Variants in C6orf163 observed in about 807,000 individuals in gnomAD.
C6orf163 encodes chromosome 6 open reading frame 163.
C6orf163 carries 22 observed loss-of-function variants against 28.4 expected under a neutral mutation model. The observed-to-expected ratio is 0.78, with a 90% CI of 0.55 to 1.11. The LOEUF is 1.11. C6orf163 is among the 50% of genes least tolerant of loss of function. The pLI is 0.00. For missense variants in C6orf163, 342 were observed against 389.1 expected (o/e 0.88, Z 1.02); for synonymous variants, 110 against 123.6 (o/e 0.89, Z 0.73).
Position 87,365,463 on chromosome 6 carries a change from A to C in C6orf163, c.*67A>C. On this transcript the variant is annotated 3_prime_UTR_variant, in exon 5 of 5. Coordinates refer to ENST00000388923, the MANE Select transcript of C6orf163 (RefSeq NM_001010868.3). Reference sequence around the variant, plus strand: ...GACTAAATAAATTTACTCAAAAACCATGTATTGATTCCCCAGCCTTGTGCA... The same window carrying C: ...GACTAAATAAATTTACTCAAAAACCCTGTATTGATTCCCCAGCCTTGTGCA... The C allele has an allele frequency of 3.7e-6, 4 of 1,087,582 alleles. No homozygotes were observed. The highest frequency in any genetic ancestry group is 5.2e-6 in the Non-Finnish European group (4 of 768,190). The allele number at this position is 1,087,582 out of a possible 1,614,324, so 67.4% of individuals were successfully genotyped here.
At chr6:87,359,397 G>T (rs962933034) in intron 4 of C6orf163, among the ~76,000 whole-genome samples, 1 of 152,192 alleles carries the variant, frequency 6.6e-6, no homozygotes, top group African/African-American at 2.4e-5. Context: ...ACTGCTGAAT[G>T]CTGGCATCTG....
chr6:87,351,013 G>C (rs564126372), intron 3 of C6orf163, among the ~76,000 whole-genome samples: 1 of 152,108 alleles, frequency 6.6e-6, no homozygotes, highest in Admixed American at 6.5e-5. Flanking sequence ...TGCATTTACT[G>C]TACTGCTAAG....
intron 3 of C6orf163, among the ~76,000 whole-genome samples, chr6:87,353,436 T>G (rs1777449837): frequency 6.6e-6 from 1 of 151,130 alleles, no homozygotes; most frequent in Non-Finnish European, 1.5e-5. Flanking sequence ...CCACAAAAAT[T>G]GAAAATTAAA....
At chr6:87,350,667 G>A (rs2127931069) in intron 3 of C6orf163, among the ~76,000 whole-genome samples, 166 bp downstream of exon 3, 1 of 152,332 alleles carries the variant, frequency 6.6e-6, no homozygotes, top group Non-Finnish European at 1.5e-5. Flanking sequence ...GAGCTCTCTA[G>A]AGCAGTGATG....
intron 3 of C6orf163, among the ~76,000 whole-genome samples, chr6:87,352,077 G>A (rs1777421388): frequency 6.8e-6 from 1 of 147,120 alleles, no homozygotes; most frequent in Non-Finnish European, 1.5e-5. Flanking sequence ...CTATTTAAAG[G>A]TAAATAGTTA....
chr6:87,363,432 G>T (rs1049020415), intron 4 of C6orf163, among the ~76,000 whole-genome samples: 2 of 151,466 alleles, frequency 1.3e-5, no homozygotes, highest in Admixed American at 1.3e-4. Flanking sequence ...TGCCATGCTG[G>T]TGTGCTGCAC....
intron 1 of C6orf163, among the ~76,000 whole-genome samples, chr6:87,346,552 G>C (rs1777326747): frequency 6.6e-6 from 1 of 152,144 alleles, no homozygotes; most frequent in Non-Finnish European, 1.5e-5. Flanking sequence ...CTTTGTCATT[G>C]AACTGTTTTA....
intron 3 of C6orf163, 198 bp from the exon 4 acceptor site, chr6:87,356,101 CAT>C: frequency 1.8e-6 from 1 of 561,220 alleles, no homozygotes; most frequent in Non-Finnish European, 3.2e-6. Flanking sequence ...ATTTATGCTA[CAT>C]AGTTTGTACA....
chr6:87,359,451 C>G (rs113391754), intron 4 of C6orf163, among the ~76,000 whole-genome samples: 1 of 152,194 alleles, frequency 6.6e-6, no homozygotes, highest in Non-Finnish European at 1.5e-5. Context: ...CCTGCAGTCT[C>G]CTGCCAGACC....
At position 87,345,132 on chromosome 6, in the gene C6orf163, TTGCTG is replaced by T. The variant is rs1200991099; in HGVS notation, c.40_44del (p.Ala14LeufsTer2). 4 of 1,533,840 alleles carry T rather than the reference TTGCTG, an allele frequency of 2.6e-6. No homozygotes were observed. In the South Asian group the frequency reaches 4.8e-5, roughly 18 times the overall value. Reference sequence around the variant, plus strand: ...GAAATTCAGATTACAAAAACTTTGTTTGCTGTGCTGTTTGTAATAAAATAATTCCA... The same window carrying T: ...GAAATTCAGATTACAAAAACTTTGTTTGCTGTTTGTAATAAAATAATTCCA... On this transcript the variant is annotated frameshift_variant, in exon 1 of 5. Transcript: ENST00000388923. LOFTEE classifies it high-confidence loss of function.
At position 87,345,229 on chromosome 6, in the gene C6orf163, A is replaced by G; in HGVS notation, c.130A>G (p.Thr44Ala). 6.5e-7 allele frequency: 1 copy of G among 1,528,726 alleles called. No individual in the cohort carries two copies. The highest frequency in any genetic ancestry group is 1.2e-5 in the South Asian group (1 of 81,726). The allele number at this position is 1,528,726 out of a possible 1,614,324, so 94.7% of individuals were successfully genotyped here. A position where few individuals can be genotyped will look rare whatever the true frequency, so the allele number is the denominator to read the frequency against. ...EYKPLKTRFY[T>A]HKDILDIGAN... ...CAAGCCACTTAAGACACGCTTTTAC[A>G]CTCACAAAGACATACTAGGTAAGTG... Residue 44 changes from threonine to alanine, a missense_variant, in exon 1 of 5, where the codon ACT (threonine) becomes GCT (alanine). By Grantham distance (58) the Thr-to-Ala change is moderately conservative. Transcript: ENST00000388923.
intron 3 of C6orf163, among the ~76,000 whole-genome samples, chr6:87,350,731 C>T (rs1777400714): frequency 6.6e-6 from 1 of 152,114 alleles, no homozygotes; most frequent in Non-Finnish European, 1.5e-5. Flanking sequence ...TTTGCCTGAC[C>T]AACCTTGCCT....
At position 87,344,996 on chromosome 6, in the gene C6orf163, A is replaced by G. The variant is rs961636406; in HGVS notation, c.-104A>G. ...CCTCTAGCATTATCCTAAAACCCTGAACCTCTTCCAGCTTTCTTAAACTTT... is the reference window on the plus strand; with the variant it reads ...CCTCTAGCATTATCCTAAAACCCTGGACCTCTTCCAGCTTTCTTAAACTTT... On this transcript the variant is annotated 5_prime_UTR_variant, in exon 1 of 5. Coordinates refer to ENST00000388923, the MANE Select transcript of C6orf163 (RefSeq NM_001010868.3). 7.7e-6 allele frequency: 7 copies of G among 903,918 alleles called. No homozygotes were observed. In the African/African-American group the frequency reaches 1.2e-4, roughly 15 times the overall value. The allele number at this position is 903,918 out of a possible 1,614,324, so 56.0% of individuals were successfully genotyped here.
intron 1 of C6orf163, among the ~76,000 whole-genome samples, chr6:87,345,687 C>T (rs903995860): frequency 6.6e-6 from 1 of 151,852 alleles, no homozygotes. Context: ...TTTGGGTGGT[C>T]GAGGTGGGCA....
At chr6:87,360,725 A>C (rs1304249088) in intron 4 of C6orf163, among the ~76,000 whole-genome samples, 2 of 152,142 alleles carry the variant, frequency 1.3e-5, no homozygotes, top group African/African-American at 4.8e-5. Flanking sequence ...AAGCTTTTGT[A>C]ATGTTCCAAT....
At chr6:87,353,640 C>G (rs1279439931) in intron 3 of C6orf163, among the ~76,000 whole-genome samples, 1 of 152,106 alleles carries the variant, frequency 6.6e-6, no homozygotes, top group Non-Finnish European at 1.5e-5. Context: ...CTGTCTTAAA[C>G]TCAACCACCA....
At position 87,356,457 on chromosome 6, in the gene C6orf163, G is replaced by A. The variant is rs765464174; in HGVS notation, c.508G>A (p.Ala170Thr). 6.4e-7 allele frequency: 1 copy of A among 1,551,748 alleles called. No homozygotes were observed. The change falls in exon 4 of 5, where the codon GCT becomes ACT. Residue 170 changes from alanine (A) to threonine (T), a missense_variant. Ala to Thr is a moderately conservative substitution (Grantham distance 58, BLOSUM62 0). Coordinates refer to ENST00000388923, the MANE Select transcript of C6orf163 (RefSeq NM_001010868.3). ...EKVEAVEKAR[A>T]EERHIAQEAI... ...GGTCGAAGCTGTGGAGAAAGCCAGG[G>A]CTGAAGAAAGACACATCGCCCAGGA...
At chr6:87,356,611 T>G in intron 4 of C6orf163, 108 bp downstream of exon 4, 1 of 945,534 alleles carries the variant, frequency 1.1e-6, no homozygotes, top group East Asian at 2.6e-5. Flanking sequence ...GTTTTTGTGT[T>G]TTTACATTTT....
chr6:87,345,560 T>A (rs568516164), intron 1 of C6orf163, among the ~76,000 whole-genome samples: 1 of 152,340 alleles, frequency 6.6e-6, no homozygotes, highest in Admixed American at 6.5e-5. Flanking sequence ...AAATGTGAGT[T>A]CATTTTGCCC....
Sources: gnomAD v4.1 joint callset for allele counts (sites outside exome capture counted in the v4.1 genomes callset) on GRCh38, gnomAD v4.1.1 for gene constraint, MANE v1.5 for transcripts, NCBI Gene and HGNC (gene_info 2026-07-23, HGNC 2026-07-21) for gene names.